The following NEK10 variants were observed in gnomAD, a reference collection of about 807,000 sequenced individuals.
NEK10 encodes the protein serine/threonine-protein kinase Nek10.
NEK10 carries 122 observed loss-of-function variants against 159.8 expected under a neutral mutation model. The observed-to-expected ratio is 0.76, with a 90% CI of 0.66 to 0.89. NEK10 has a LOEUF of 0.89. Among genes scored for constraint, NEK10 ranks in the 40% least tolerant of loss-of-function variants. The pLI is 0.00. For missense variants in NEK10, 1,342 were observed against 1,323.1 expected (o/e 1.01, Z -0.22); for synonymous variants, 466 against 457.1 (o/e 1.02, Z -0.25).
At chr3:27,249,292 G>A (rs1489704602) in intron 23 of NEK10, among the ~76,000 whole-genome samples, 1 of 152,130 alleles carries the variant, frequency 6.6e-6, no homozygotes, top group Non-Finnish European at 1.5e-5. Flanking sequence ...AAGTTACCCA[G>A]TCTCAGGTAG....
chr3:27,143,323 G>T, intron 30 of NEK10: 1 of 519,960 alleles, frequency 1.9e-6, no homozygotes, highest in Non-Finnish European at 3.4e-6. Context: ...CTGATTTGTA[G>T]ATGCAACATT....
chr3:27,199,231 T>C (rs1395581186), intron 25 of NEK10, among the ~76,000 whole-genome samples: 1 of 152,180 alleles, frequency 6.6e-6, no homozygotes, highest in African/African-American at 2.4e-5. Flanking sequence ...AGGTCTAATA[T>C]GCAGTTTCTA....
At chr3:27,169,009 AT>A (rs1467028605) in intron 29 of NEK10, among the ~76,000 whole-genome samples, 2 of 152,192 alleles carry the variant, frequency 1.3e-5, no homozygotes, top group Non-Finnish European at 2.9e-5. Flanking sequence ...TATAGACCAT[AT>A]GGGGTTTTTG....
chr3:27,182,698 T>C (rs915862731), intron 26 of NEK10, among the ~76,000 whole-genome samples: 2 of 152,080 alleles, frequency 1.3e-5, no homozygotes, highest in African/African-American at 4.8e-5. Context: ...TCAACCTAAG[T>C]ACCCATCAAA....
chr3:27,159,699 A>G (rs1355528616), intron 30 of NEK10, among the ~76,000 whole-genome samples: 1 of 152,104 alleles, frequency 6.6e-6, no homozygotes, highest in Non-Finnish European at 1.5e-5. Flanking sequence ...GTAATAAAAG[A>G]TAGAACAAGG....
At chr3:27,273,060 C>A (rs539996746) in intron 22 of NEK10, among the ~76,000 whole-genome samples, 71 of 152,128 alleles carry the variant, frequency 4.7e-4, no homozygotes, top group Non-Finnish European at 5.3e-4. Context: ...CAGACATTAT[C>A]TAGGTAAGAG....
chr3:27,353,664 A>G (rs1462925427), intron 1 of NEK10, among the ~76,000 whole-genome samples: 1 of 152,192 alleles, frequency 6.6e-6, no homozygotes, highest in Non-Finnish European at 1.5e-5. Flanking sequence ...AATAACAGGT[A>G]CAATATTAAC....
chr3:27,210,881 A>G (rs1382889897), intron 23 of NEK10, among the ~76,000 whole-genome samples: 2 of 152,242 alleles, frequency 1.3e-5, no homozygotes, highest in Admixed American at 6.5e-5. Flanking sequence ...AGAGTTGTCA[A>G]TGTCCTTTTT....
chr3:27,206,620 A>G, intron 23 of NEK10: 5 of 985,270 alleles, frequency 5.1e-6, no homozygotes, highest in South Asian at 4.7e-5. Context: ...CATTGAAACC[A>G]TATGCTGGTA....
chr3:27,226,054 C>G (rs184572554), intron 23 of NEK10, among the ~76,000 whole-genome samples: 2 of 151,596 alleles, frequency 1.3e-5, no homozygotes, highest in Non-Finnish European at 2.9e-5. Flanking sequence ...TTTTTTGAGA[C>G]GGAGTCTCGC....
chr3:27,241,690 T>A (rs1389948903), intron 23 of NEK10, among the ~76,000 whole-genome samples: 1 of 152,202 alleles, frequency 6.6e-6, no homozygotes, highest in Non-Finnish European at 1.5e-5. Context: ...ACCTCCAGAA[T>A]AAACCACTTG....
At chr3:27,289,280 C>T (rs1366804489) in intron 19 of NEK10, among the ~76,000 whole-genome samples, 1 of 152,206 alleles carries the variant, frequency 6.6e-6, no homozygotes, top group Non-Finnish European at 1.5e-5. Flanking sequence ...TTTCTAAGCA[C>T]CTGCATTTGG....
Position 27,110,747 on chromosome 3 carries a change from C to T in NEK10, c.*525G>A, listed in dbSNP as rs143747961. 3.3e-5 allele frequency: 5 copies of T among 152,368 alleles called. No homozygotes were observed. Among genetic ancestry groups the T allele is most frequent in the African/African-American group, 7.3e-5 (3 of 41,332 alleles). The allele number at this position is 152,368 out of a possible 1,614,324, so 9.4% of individuals were successfully genotyped here. A position where few individuals can be genotyped will look rare whatever the true frequency, so the allele number is the denominator to read the frequency against. On this transcript the variant is annotated 3_prime_UTR_variant, in exon 36 of 36. Transcript: ENST00000691995. Reference sequence around the variant, plus strand: ...CATTAAAAAAAAAAAAATTTAATCACGTATTTTGAATTTCTTTAAATGTAA... The same window carrying T: ...CATTAAAAAAAAAAAAATTTAATCATGTATTTTGAATTTCTTTAAATGTAA...
intron 5 of NEK10, among the ~76,000 whole-genome samples, chr3:27,331,251 C>CAAAAAAAAAAAAAAAAA (rs1247716064): frequency 1.9e-5 from 1 of 53,910 alleles, no homozygotes; most frequent in Non-Finnish European, 4.3e-5. Context: ...AAAAAAAAAA[C>CAAAAAAAAAAAAAAAAA]AAAAAAAAAA....
chr3:27,148,601 T>A lies in NEK10; in HGVS notation c.2870-7019A>T, dbSNP rs564549376. Among the ~76,000 whole-genome samples the A allele has an allele frequency of 3.3e-5, 5 of 152,330 alleles. No individual in the cohort carries two copies. In the South Asian group the frequency reaches 8.3e-4, roughly 25 times the overall value. On this transcript the variant is annotated intron_variant, in intron 30 of 35. Coordinates refer to ENST00000691995, the MANE Select transcript of NEK10 (RefSeq NM_001394966.1). ...TAATTCAAAGCATATTTGTAAATAC[T>A]TTTAACATATTTTTAAAATCCACTA...
chr3:27,112,297 C>T (rs1268775018), intron 35 of NEK10, among the ~76,000 whole-genome samples: 2 of 152,114 alleles, frequency 1.3e-5, no homozygotes, highest in African/African-American at 4.8e-5. Flanking sequence ...AATATAAACC[C>T]TATAATTTAA....
chr3:27,139,087 C>T (rs771347933), intron 31 of NEK10, among the ~76,000 whole-genome samples: 1 of 151,950 alleles, frequency 6.6e-6, no homozygotes, highest in Non-Finnish European at 1.5e-5. Context: ...GGCTGATAAT[C>T]GAAATTTAAT....
chr3:27,305,512 C>T (rs973807256), intron 11 of NEK10, among the ~76,000 whole-genome samples: 3 of 151,210 alleles, frequency 2.0e-5, no homozygotes, highest in Non-Finnish European at 2.9e-5. Context: ...GGTGACAGAG[C>T]GAGACTCTGT....
intron 19 of NEK10, 86 bp downstream of exon 19, chr3:27,290,531 A>G (rs2042923326): frequency 1.0e-6 from 1 of 965,048 alleles, no homozygotes. Flanking sequence ...GTTCATAAGC[A>G]GCATGGACAA....
Sources: gnomAD v4.1 joint callset for allele counts (sites outside exome capture counted in the v4.1 genomes callset) on GRCh38, gnomAD v4.1.1 for gene constraint, MANE v1.5 for transcripts, NCBI Gene and HGNC (gene_info 2026-07-23, HGNC 2026-07-21) for gene names.